The following MYT1L variants were observed in gnomAD, a reference collection of about 807,000 sequenced individuals.
The protein encoded by MYT1L is myelin transcription factor 1 like, also known as myelin transcription factor 1-like protein.
A neutral mutation model predicts 126.7 loss-of-function variants in MYT1L; 12 were observed. That is an observed-to-expected ratio of 0.09 (90% CI 0.06 to 0.15). The LOEUF (loss-of-function observed/expected upper bound fraction) is 0.15, where lower values mean the gene tolerates loss of function less well. Ranked by LOEUF, MYT1L falls within the 10% of genes least tolerant of loss-of-function variation. The probability of loss-of-function intolerance (pLI) is 1.00; values close to 1 mark genes in which losing one functional copy is unlikely to be tolerated. For synonymous variants in MYT1L, 541 were observed against 604.2 expected (o/e 0.90, Z 1.53); for missense variants, 979 against 1,585.2 (o/e 0.62, Z 6.49).
chr2:1,957,891 T>C (rs2058632672), intron 8 of MYT1L, among the ~76,000 whole-genome samples: 1 of 152,212 alleles, frequency 6.6e-6, no homozygotes, highest in Non-Finnish European at 1.5e-5. Context: ...TTTGTTTTAA[T>C]GACCATATCA....
rs78886270 is a variant in MYT1L, at chr2:2,091,548, C to G, written c.-303-37425G>C. On this transcript the variant is annotated intron_variant, in intron 3 of 24. Transcript: ENST00000647738. Reference sequence around the variant, plus strand: ...TTTTGAAATGATATGTAAGCATTGGCTTCAACTTAAATTCACCAGCTGTGT... The same window carrying G: ...TTTTGAAATGATATGTAAGCATTGGGTTCAACTTAAATTCACCAGCTGTGT... Among the ~76,000 whole-genome samples the G allele has an allele frequency of 4.9e-3, 753 of 152,256 alleles. 5 individuals carry two copies. Among genetic ancestry groups the G allele is most frequent in the African/African-American group, 0.017 (727 of 41,558 alleles).
chr2:2,025,629 C>T (rs1423814917), intron 4 of MYT1L, among the ~76,000 whole-genome samples: 1 of 152,164 alleles, frequency 6.6e-6, no homozygotes, highest in Non-Finnish European at 1.5e-5. Context: ...TAAGCTGGGA[C>T]ATCAATACGC....
chr2:1,945,094 C>G (rs2057078017), intron 8 of MYT1L, among the ~76,000 whole-genome samples: 1 of 152,124 alleles, frequency 6.6e-6, no homozygotes, highest in Non-Finnish European at 1.5e-5. Flanking sequence ...AAAACAAAAG[C>G]AAACCCCAAA....
intron 2 of MYT1L, among the ~76,000 whole-genome samples, chr2:2,213,791 G>A (rs2093601558): frequency 1.3e-5 from 2 of 151,916 alleles, no homozygotes; most frequent in South Asian, 4.2e-4. Context: ...CACCCAGAAG[G>A]TAAAATTTAC....
intron 9 of MYT1L, among the ~76,000 whole-genome samples, chr2:1,924,641 T>C (rs942866158): frequency 6.6e-6 from 1 of 152,194 alleles, no homozygotes; most frequent in Non-Finnish European, 1.5e-5. Context: ...GGAACAAATA[T>C]TTAAGATCTG....
chr2:2,093,226 T>G (rs1441269119), intron 3 of MYT1L, among the ~76,000 whole-genome samples: 1 of 151,128 alleles, frequency 6.6e-6, no homozygotes, highest in Non-Finnish European at 1.5e-5. Context: ...AAGGAGACTG[T>G]TAAGATGTTA....
At chr2:2,177,494 AC>A (rs1393602474) in intron 2 of MYT1L, among the ~76,000 whole-genome samples, 3 of 152,116 alleles carry the variant, frequency 2.0e-5, no homozygotes, top group Non-Finnish European at 2.9e-5. Flanking sequence ...ACAACCTAGA[AC>A]CTAGGGTGTA....
At chr2:2,178,756 C>T (rs1225458265) in intron 2 of MYT1L, among the ~76,000 whole-genome samples, 1 of 152,152 alleles carries the variant, frequency 6.6e-6, no homozygotes, top group Non-Finnish European at 1.5e-5. Context: ...CCTGCCTCTT[C>T]ATTTTTAGAT....
chr2:1,819,954 A>G lies in MYT1L; in HGVS notation c.3081-10787T>C, dbSNP rs796572046. Among the ~76,000 whole-genome samples, 34 of 152,258 alleles carry G rather than the reference A, an allele frequency of 2.2e-4. 1 individual carries two copies. The highest frequency in any genetic ancestry group is 6.0e-4 in the African/African-American group (25 of 41,546). On this transcript the variant is annotated intron_variant, in intron 21 of 24. Coordinates refer to ENST00000647738, the MANE Select transcript of MYT1L (RefSeq NM_001303052.2). ...AGGATTGGAAGCATGTAATCCTGGC[A>G]ACCACACAGTAGAGTTTGCTTGGTA...
chr2:2,065,844 A>ACG (rs1553455296), intron 3 of MYT1L, among the ~76,000 whole-genome samples: 11 of 122,562 alleles, frequency 9.0e-5, no homozygotes, highest in East Asian at 6.7e-4. Context: ...ACACACACAC[A>ACG]CACGCACACA....
intron 18 of MYT1L, among the ~76,000 whole-genome samples, chr2:1,872,301 C>A (rs1337799966): frequency 1.3e-5 from 2 of 152,184 alleles, no homozygotes; most frequent in East Asian, 3.9e-4. Context: ...TGTCATCCAA[C>A]GAAAGGTAGA....
intron 3 of MYT1L, among the ~76,000 whole-genome samples, chr2:2,084,473 C>T (rs1391740634): frequency 6.6e-6 from 1 of 152,220 alleles, no homozygotes; most frequent in Non-Finnish European, 1.5e-5. Context: ...CACCCCACTG[C>T]CCCTTGTGTT....
At chr2:2,164,776 G>A (rs1200118920) in intron 3 of MYT1L, among the ~76,000 whole-genome samples, 1 of 152,172 alleles carries the variant, frequency 6.6e-6, no homozygotes, top group African/African-American at 2.4e-5. Flanking sequence ...GCACATACAC[G>A]CCGTTGCTCA....
intron 4 of MYT1L, among the ~76,000 whole-genome samples, chr2:2,048,294 C>A (rs1225741701): frequency 6.6e-6 from 1 of 152,170 alleles, no homozygotes; most frequent in Non-Finnish European, 1.5e-5. Context: ...GAAACTGATA[C>A]CTCTTCCTGA....
At chr2:1,969,316 T>C (rs766291810) in intron 8 of MYT1L, among the ~76,000 whole-genome samples, 10 of 152,296 alleles carry the variant, frequency 6.6e-5, no homozygotes, top group Non-Finnish European at 1.5e-4. Context: ...GTCTTCAGAT[T>C]TGTCTATGCC....
At chr2:2,241,786 G>T (rs1165549796) in intron 2 of MYT1L, among the ~76,000 whole-genome samples, 1 of 152,160 alleles carries the variant, frequency 6.6e-6, no homozygotes. Context: ...CCCATTCTAC[G>T]ACATGGCTGG....
chr2:1,873,015 G>T (rs2046449925), intron 18 of MYT1L, among the ~76,000 whole-genome samples: 1 of 152,190 alleles, frequency 6.6e-6, no homozygotes, highest in African/African-American at 2.4e-5. Flanking sequence ...TGAAGGCTGT[G>T]CTCATAATCA....
At chr2:2,270,375 AGTCATGAGCTTGCT>A (rs2095238947) in intron 2 of MYT1L, among the ~76,000 whole-genome samples, 2 of 152,174 alleles carry the variant, frequency 1.3e-5, no homozygotes, top group Admixed American at 1.3e-4. Context: ...ACATTCCTTT[AGTCATGAGCTTGCT>A]GTCTTGTCCA....
At chr2:1,834,845 C>T (rs10432711) in intron 21 of MYT1L, among the ~76,000 whole-genome samples, 9,548 of 79,842 alleles carry the variant, frequency 0.12, 360 homozygotes, top group East Asian at 0.23. Context: ...TACTCCTCCA[C>T]ATACCACGGA....
Sources: allele counts gnomAD v4.1 joint callset (sites outside exome capture counted in the v4.1 genomes callset), GRCh38; gene constraint gnomAD v4.1.1; transcripts MANE v1.5; gene names NCBI Gene and HGNC (gene_info 2026-07-23, HGNC 2026-07-21).